The following RUNX1 variants were observed in gnomAD, a reference collection of about 807,000 sequenced individuals.
RUNX1 encodes the protein runt-related transcription factor 1.
In RUNX1, 19 loss-of-function variants were observed where a neutral mutation model predicts 42.8. The observed-to-expected ratio is 0.44, with a 90% CI of 0.31 to 0.65. The LOEUF is 0.65. Among genes scored for constraint, RUNX1 ranks in the 30% least tolerant of loss-of-function variants. The pLI, the probability that RUNX1 is intolerant of heterozygous loss-of-function variation, is 0.07. For synonymous variants in RUNX1, 271 were observed against 289.4 expected (o/e 0.94, Z 0.64); for missense variants, 528 against 672.0 (o/e 0.79, Z 2.37).
chr21:34,984,634 C>A (rs964092682), intron 2 of RUNX1, among the ~76,000 whole-genome samples: 1 of 152,124 alleles, frequency 6.6e-6, no homozygotes, highest in Non-Finnish European at 1.5e-5. Context: ...GAGAAATGCC[C>A]AGCCAGTGGA....
intron 2 of RUNX1, among the ~76,000 whole-genome samples, chr21:34,992,046 C>T (rs747012828): frequency 7.2e-5 from 11 of 152,190 alleles, no homozygotes; most frequent in Non-Finnish European, 1.3e-4. Context: ...GGACTTCTGG[C>T]GTCCAAAGCT....
intron 2 of RUNX1, among the ~76,000 whole-genome samples, chr21:34,987,397 G>A (rs1240057045): frequency 6.6e-6 from 1 of 152,192 alleles, no homozygotes; most frequent in Non-Finnish European, 1.5e-5. Context: ...CAGCGGTGAA[G>A]AATGAAGTCC....
At chr21:34,932,812 C>T (rs2834677) in intron 2 of RUNX1, among the ~76,000 whole-genome samples, 26,958 of 152,084 alleles carry the variant, frequency 0.18, 5,013 homozygotes, top group African/African-American at 0.48. Context: ...TGTTAACCAA[C>T]GGTGCCTAGT....
chr21:35,005,936 T>C (rs2146892539), intron 2 of RUNX1, among the ~76,000 whole-genome samples: 1 of 152,322 alleles, frequency 6.6e-6, no homozygotes, highest in Non-Finnish European at 1.5e-5. Context: ...GACCAGTACG[T>C]CCACTCCAGC....
At chr21:34,893,021 C>G in intron 2 of RUNX1, 58 bp from the exon 3 acceptor site, 1 of 1,218,136 alleles carries the variant, frequency 8.2e-7, no homozygotes, top group Non-Finnish European at 1.2e-6. Context: ...TTAACTTTCC[C>G]CCGACTTTTT....
At chr21:34,839,646 T>C (rs950006702) in intron 6 of RUNX1, among the ~76,000 whole-genome samples, 7 of 152,176 alleles carry the variant, frequency 4.6e-5, no homozygotes, top group African/African-American at 1.7e-4. Context: ...TTTCACCTGC[T>C]TGAGTGGGCA....
chr21:34,887,929 T>G (rs138411627), intron 3 of RUNX1: 1 of 1,065,740 alleles, frequency 9.4e-7, no homozygotes, highest in African/African-American at 1.6e-5. Flanking sequence ...TTCAGAGATC[T>G]TCAGCTAATC....
rs76279913 is a variant in RUNX1, at chr21:34,999,647, G to A, written c.58+49195C>T. ...ATCTAGTGTTCGACATGTGGGGACC[G>A]AGATGAAAGGGGACAGCTGTTTCAG... On this transcript the variant is annotated intron_variant, in intron 2 of 8. Transcript: ENST00000675419. 8.3e-3 allele frequency among the ~76,000 whole-genome samples: 1,265 copies of A among 152,304 alleles called. 20 individuals carry two copies. Among genetic ancestry groups the A allele is most frequent in the African/African-American group, 0.028 (1,151 of 41,550 alleles).
In RUNX1 at chr21:34,791,501, TAAAGA is replaced by T. The variant is rs768413230; in HGVS notation, c.*629_*633del. On this transcript the variant is annotated 3_prime_UTR_variant, in exon 9 of 9. Coordinates refer to ENST00000675419, the MANE Select transcript of RUNX1 (RefSeq NM_001754.5). ...TCCAAAAGAAAAGTTAAATAAAACTTAAAGAAAAGGGAATCATATTTCTTTCCATG... is the reference window on the plus strand; with the variant it reads ...TCCAAAAGAAAAGTTAAATAAAACTTAAAGGGAATCATATTTCTTTCCATG... The T allele has an allele frequency of 3.5e-5, 8 of 231,846 alleles. No homozygotes were observed. Among genetic ancestry groups the T allele is most frequent in the African/African-American group, 1.8e-4 (8 of 45,156 alleles). The allele number at this position is 231,846 out of a possible 1,614,324, so 14.4% of individuals were successfully genotyped here. A position where few individuals can be genotyped will look rare whatever the true frequency, so the allele number is the denominator to read the frequency against.
intron 7 of RUNX1, among the ~76,000 whole-genome samples, chr21:34,811,003 C>G (rs2056751107): frequency 1.3e-5 from 2 of 152,194 alleles, no homozygotes; most frequent in South Asian, 4.1e-4. Flanking sequence ...CAGCCTCCTC[C>G]TTCACAAGGA....
intron 2 of RUNX1, among the ~76,000 whole-genome samples, chr21:35,028,314 G>T (rs778191143): frequency 2.7e-4 from 41 of 152,262 alleles, no homozygotes; most frequent in Non-Finnish European, 5.4e-4. Context: ...CTTATGTACT[G>T]CCAAGTTTAG....
In RUNX1 at chr21:35,042,384, G is replaced by A. The variant is rs148954800; in HGVS notation, c.58+6458C>T. 2.7e-3 allele frequency among the ~76,000 whole-genome samples: 404 copies of A among 152,330 alleles called. 4 individuals are homozygous for A. The highest frequency in any genetic ancestry group is 9.0e-3 in the African/African-American group (375 of 41,570). Reference sequence around the variant, plus strand: ...AAATGATACAAGATATGACTGGGAAGGCACACAGCCTGTCTTTGTCACCAG... The same window carrying A: ...AAATGATACAAGATATGACTGGGAAAGCACACAGCCTGTCTTTGTCACCAG... On this transcript the variant is annotated intron_variant, in intron 2 of 8. Coordinates refer to ENST00000675419, the MANE Select transcript of RUNX1 (RefSeq NM_001754.5).
intron 2 of RUNX1, among the ~76,000 whole-genome samples, chr21:35,028,936 G>C (rs1036298263): frequency 6.6e-6 from 1 of 152,194 alleles, no homozygotes; most frequent in Non-Finnish European, 1.5e-5. Context: ...GTGGGAAAAA[G>C]GGAGTGTAGA....
chr21:34,868,794 C>T (rs1037050553), intron 5 of RUNX1, among the ~76,000 whole-genome samples: 1 of 152,224 alleles, frequency 6.6e-6, no homozygotes, highest in South Asian at 2.1e-4. Context: ...GGCTGACCGT[C>T]GTATTTCTCA....
intron 2 of RUNX1, among the ~76,000 whole-genome samples, chr21:35,046,261 C>T (rs112140438): frequency 5.4e-4 from 82 of 152,320 alleles, no homozygotes; most frequent in Middle Eastern, 6.8e-3. Context: ...TCTCAGACTC[C>T]GGCTTGCCTC....
rs748885850 is a variant in RUNX1 at position 34,792,277 on chromosome 21, T to C, written c.1301A>G (p.Asn434Ser). The C allele has an allele frequency of 1.9e-6, 3 of 1,540,880 alleles. No homozygotes were observed. The highest frequency in any genetic ancestry group is 2.6e-6 in the Non-Finnish European group (3 of 1,146,476). The change falls in exon 9 of 9, where the codon AAC becomes AGC. Residue 434 changes from asparagine (N) to serine (S), a missense_variant. Transcript: ENST00000675419. This position sits in a 1 kb window ranked among gnomAD's most constrained non-coding sequence, Gnocchi z 6.9. ...SPPRILPPCT[N>S]ASTGSALLNP... ...GAGCAGCGCGGAGCCGGTGGAGGCG[T>C]TGGTGCAGGGCGGCAGGATGCGCGG...
chr21:34,926,272 T>C (rs909429492), intron 2 of RUNX1, among the ~76,000 whole-genome samples: 2 of 151,536 alleles, frequency 1.3e-5, no homozygotes, highest in Non-Finnish European at 2.9e-5. Context: ...CCCAAAAGTT[T>C]GAGACCAGCC....
At chr21:34,818,365 C>T (rs900159623) in intron 7 of RUNX1, among the ~76,000 whole-genome samples, 15 of 152,126 alleles carry the variant, frequency 9.9e-5, no homozygotes, top group Non-Finnish European at 1.9e-4. Context: ...TAAATAAGAG[C>T]GGGGGAAGGG....
intron 2 of RUNX1, among the ~76,000 whole-genome samples, chr21:34,930,089 T>C (rs1464938598): frequency 6.7e-6 from 1 of 148,432 alleles, no homozygotes; most frequent in Non-Finnish European, 1.5e-5. Flanking sequence ...CATAAAGATA[T>C]ATATTTAAAA....
Sources: allele counts gnomAD v4.1 joint callset (sites outside exome capture counted in the v4.1 genomes callset), GRCh38; gene constraint gnomAD v4.1.1; non-coding constraint Gnocchi (gnomAD v3.1); transcripts MANE v1.5; gene names NCBI Gene and HGNC (gene_info 2026-07-23, HGNC 2026-07-21).